Variants in WWP2 observed in about 807,000 individuals in gnomAD.
WWP2 encodes the protein WW domain containing E3 ubiquitin protein ligase 2.
WWP2 carries 57 observed loss-of-function variants against 121.0 expected under a neutral mutation model. The observed-to-expected ratio is 0.47, with a 90% CI of 0.38 to 0.59. The LOEUF is 0.59. WWP2 is among the 20% of genes least tolerant of loss of function. The pLI is 0.00. For synonymous variants in WWP2, 449 were observed against 441.3 expected (o/e 1.02, Z -0.22); for missense variants, 962 against 1,158.9 (o/e 0.83, Z 2.47).
chr16:69,929,559 G>A (rs370924615), intron 12 of WWP2, 30 bp downstream of exon 12: 18 of 1,602,382 alleles, frequency 1.1e-5, no homozygotes, highest in Middle Eastern at 3.3e-4. Context: ...GGGGGGCCGG[G>A]CTGGGCTGGG....
At chr16:69,891,635 C>G (rs1473645330) in intron 8 of WWP2, among the ~76,000 whole-genome samples, 4 of 152,156 alleles carry the variant, frequency 2.6e-5, no homozygotes, top group African/African-American at 9.7e-5. Flanking sequence ...GATGCGTGCC[C>G]TGGTCACTCA....
rs57201672 is a variant in WWP2 at position 69,846,049 on chromosome 16, CAAAAAAAA to C, written c.575+3943_575+3950del. Among the ~76,000 whole-genome samples, 372 of 45,602 alleles carry C rather than the reference CAAAAAAAA, an allele frequency of 8.2e-3. 5 individuals carry two copies. Among genetic ancestry groups the C allele is most frequent in the Non-Finnish European group, 0.011 (293 of 27,732 alleles). The allele number at this position is 45,602 out of a possible 152,430, so 29.9% of individuals were successfully genotyped here. A position where few individuals can be genotyped will look rare whatever the true frequency, so the allele number is the denominator to read the frequency against. On this transcript the variant is annotated intron_variant, in intron 6 of 23. Transcript: ENST00000359154. The stretch of plus-strand genomic sequence containing the variant: ...TGGGTGACAGAGCCAGACTCCATCT[CAAAAAAAA>C]AAAAAAAAAAAAAGAATACTTATCT...
chr16:69,801,353 C>A (rs1483640516), intron 4 of WWP2, among the ~76,000 whole-genome samples: 1 of 150,994 alleles, frequency 6.6e-6, no homozygotes, highest in Non-Finnish European at 1.5e-5. Flanking sequence ...ACCTCAGCCC[C>A]CACCCCTAGT....
Position 69,925,239 on chromosome 16 carries a change from T to TC in WWP2, c.1180-190dup. The TC allele has an allele frequency of 6.9e-7, 1 of 1,440,718 alleles. No individual in the cohort carries two copies. Among genetic ancestry groups the TC allele is most frequent in the South Asian group, 1.6e-5 (1 of 60,986 alleles). 89.2% of individuals were successfully genotyped at this position (1,440,718 alleles called of 1,614,324 possible). On this transcript the variant is annotated intron_variant, in intron 10 of 23. Transcript: ENST00000359154. The surrounding 1 kb of genome is among the most constrained non-coding windows in gnomAD (Gnocchi z 4.0). ...GTGCGCAGGGTTCTTTTTTGGTTTTTCTGTAAAAATCAAAACAAAAAACAG... is the reference window on the plus strand; with the variant it reads ...GTGCGCAGGGTTCTTTTTTGGTTTTTCCTGTAAAAATCAAAACAAAAAACAG...
chr16:69,816,345 A>G (rs1244254717), intron 4 of WWP2, among the ~76,000 whole-genome samples: 2 of 151,460 alleles, frequency 1.3e-5, no homozygotes, highest in African/African-American at 4.8e-5. Context: ...CACTTTGGAG[A>G]CTGAGGTGAG....
At chr16:69,784,375 C>T (rs1415981218) in intron 1 of WWP2, among the ~76,000 whole-genome samples, 1 of 152,208 alleles carries the variant, frequency 6.6e-6, no homozygotes, top group African/African-American at 2.4e-5. Flanking sequence ...GCTGGGAATA[C>T]AGGCGTGAGC....
Position 69,930,256 on chromosome 16 carries a change from G to A in WWP2, c.1443G>A (p.Ser481=), listed in dbSNP as rs200339483. 77 of 1,613,818 alleles carry A rather than the reference G, an allele frequency of 4.8e-5. No individual in the cohort carries two copies. Among genetic ancestry groups the A allele is most frequent in the Non-Finnish European group, 5.4e-5 (64 of 1,179,900 alleles). The change falls in exon 13 of 24, where the codon TCG becomes TCA. Residue 481 remains serine (S), a splice_region_variant and synonymous_variant. Coordinates refer to ENST00000359154, the MANE Select transcript of WWP2 (RefSeq NM_001270454.2). ...TFKDPRPGFE[S]GTKQGSPGAY... ...AGGATCCTCGCCCGGGGTTTGAGTC[G>A]GGGTAAGGACTTTGTGCAGGTAGCA...
chr16:69,794,192 A>C (rs2055977711), intron 2 of WWP2, among the ~76,000 whole-genome samples: 1 of 151,828 alleles, frequency 6.6e-6, no homozygotes, highest in Non-Finnish European at 1.5e-5. Flanking sequence ...TGCTGGGATT[A>C]CAGGCATAAG....
Position 69,925,473 on chromosome 16 carries a change from C to T in WWP2, c.1223C>T (p.Pro408Leu), listed in dbSNP as rs2058626940. 1 of 1,614,124 alleles carries T rather than the reference C, an allele frequency of 6.2e-7. No individual in the cohort carries two copies. ...GACCATGATCCCCTGGGCCCCCTCC[C>T]TCCTGGCTGGGGTAAGTACTGAGTT... ...STDHDPLGPL[P>L]PGWEKRQDNG... Residue 408 changes from proline (P) to leucine (L), a missense_variant, in exon 11 of 24, where the codon CCT becomes CTT. Around this residue, in one of 3 missense-constraint regions of WWP2, gnomAD observed 606 missense variants for 772.6 expected, o/e 0.78. Coordinates refer to ENST00000359154, the MANE Select transcript of WWP2 (RefSeq NM_001270454.2). This position sits in a 1 kb window ranked among gnomAD's most constrained non-coding sequence, Gnocchi z 4.0.
In WWP2 at chr16:69,900,090, C is replaced by T. The variant is rs193257263; in HGVS notation, c.915-8671C>T. ...TTTTTCTGTAACTGCTGTAATATGA[C>T]GTAACAGATGCACTTATAGCTAAAT... On this transcript the variant is annotated intron_variant, in intron 8 of 23. Coordinates refer to ENST00000359154, the MANE Select transcript of WWP2 (RefSeq NM_001270454.2). Among the ~76,000 whole-genome samples the T allele has an allele frequency of 3.9e-5, 6 of 152,170 alleles. No homozygotes were observed. The East Asian group carries it at 5.8e-4, about 15-fold the overall frequency.
intron 4 of WWP2, among the ~76,000 whole-genome samples, chr16:69,810,325 A>T (rs2056366127): frequency 6.6e-6 from 1 of 152,234 alleles, no homozygotes; most frequent in African/African-American, 2.4e-5. Flanking sequence ...CCATGGCTGC[A>T]AAAAGACTTG....
At position 69,930,220 on chromosome 16, in the gene WWP2, C is replaced by T. The variant is rs1567440089; in HGVS notation, c.1407C>T (p.Thr469=). 6.2e-7 allele frequency: 1 copy of T among 1,614,074 alleles called. No individual in the cohort carries two copies. ...ACTTTGTGGACCACAATACCCGCAC[C>T]ACCACCTTTAAGGATCCTCGCCCGG... ...VRYFVDHNTR[T]TTFKDPRPGF... is the part of the protein sequence containing the mutation. The change falls in exon 13 of 24, where the codon ACC becomes ACT. Residue 469 remains threonine, a synonymous_variant. Coordinates refer to ENST00000359154, the MANE Select transcript of WWP2 (RefSeq NM_001270454.2).
In WWP2 at chr16:69,857,811, G is replaced by A. The variant is rs148129672; in HGVS notation, c.576-13993G>A. Among the ~76,000 whole-genome samples the A allele has an allele frequency of 8.5e-3, 1,294 of 151,942 alleles. 20 individuals are homozygous for A. Among genetic ancestry groups the A allele is most frequent in the African/African-American group, 0.029 (1,190 of 41,408 alleles). ...CAGGTAGCTGAGACTACAGGTGTGC[G>A]CCACCATGCCTGGCTAATTTTTAAA... is the stretch of plus-strand genomic sequence containing the variant. On this transcript the variant is annotated intron_variant, in intron 6 of 23. Coordinates refer to ENST00000359154, the MANE Select transcript of WWP2 (RefSeq NM_001270454.2).
At chr16:69,781,630 G>GC (rs962990603) in intron 1 of WWP2, among the ~76,000 whole-genome samples, 3 of 151,926 alleles carry the variant, frequency 2.0e-5, no homozygotes, top group Admixed American at 6.6e-5. Flanking sequence ...GATTATAGGC[G>GC]CCCGCTGGCT....
rs2056117218 is a variant in WWP2 at position 69,799,506 on chromosome 16, G to A, written c.340+211G>A. ...CTCTTTGTCCAGGGCCTCTAGTAAT[G>A]TGATGCAGTGGTGTGTTGCCCTTTA... On this transcript the variant is annotated intron_variant, in intron 4 of 23. Transcript: ENST00000359154. The surrounding 1 kb of genome is among the most constrained non-coding windows in gnomAD (Gnocchi z 4.5). 1 of 559,440 alleles carries A rather than the reference G, an allele frequency of 1.8e-6. No homozygotes were observed. The highest frequency in any genetic ancestry group is 1.9e-5 in the African/African-American group (1 of 52,574). The allele number at this position is 559,440 out of a possible 1,614,324, so 34.7% of individuals were successfully genotyped here.
At chr16:69,880,709 G>A (rs1036352102) in intron 7 of WWP2, among the ~76,000 whole-genome samples, 4 of 152,188 alleles carry the variant, frequency 2.6e-5, no homozygotes, top group Non-Finnish European at 2.9e-5. Flanking sequence ...GTGAAGAGCC[G>A]ACTGATCAGC....
chr16:69,847,611 T>C (rs1367758791), intron 6 of WWP2, among the ~76,000 whole-genome samples: 1 of 152,010 alleles, frequency 6.6e-6, no homozygotes, highest in Non-Finnish European at 1.5e-5. Flanking sequence ...TTTCTCCATG[T>C]TGGTCAGGCT....
chr16:69,936,420 G>A lies in WWP2; in HGVS notation c.2085G>A (p.Arg695=). The change falls in exon 19 of 24, where the codon CGG becomes CGA. Residue 695 remains arginine, a synonymous_variant. Coordinates refer to ENST00000359154, the MANE Select transcript of WWP2 (RefSeq NM_001270454.2). ...TGAAGGAGGGCGGCGAGAGCATCCGGGTCACAGAGGAGAACAAGGAAGAGT... is the reference window on the plus strand; with the variant it reads ...TGAAGGAGGGCGGCGAGAGCATCCGAGTCACAGAGGAGAACAAGGAAGAGT... ...HELKEGGESI[R]VTEENKEEYI... The A allele has an allele frequency of 6.2e-7, 1 of 1,614,102 alleles. No homozygotes were observed. Among genetic ancestry groups the A allele is most frequent in the South Asian group, 1.1e-5 (1 of 91,082 alleles).
chr16:69,869,421 CT>C (rs2057590640), intron 6 of WWP2, among the ~76,000 whole-genome samples: 1 of 148,010 alleles, frequency 6.8e-6, no homozygotes, highest in Non-Finnish European at 1.5e-5. Context: ...AGGTCTCACT[CT>C]TTTGCCACGC....
Sources: gnomAD v4.1 joint callset for allele counts (sites outside exome capture counted in the v4.1 genomes callset) on GRCh38, gnomAD v4.1.1 for gene constraint, gnomAD v4.1.1 regional missense constraint, Gnocchi (gnomAD v3.1) non-coding constraint, MANE v1.5 for transcripts, NCBI Gene and HGNC (gene_info 2026-07-23, HGNC 2026-07-21) for gene names.